EPHB1: variants seen among roughly 807,000 people sequenced by gnomAD.
EPHB1 encodes EPH receptor B1.
A neutral mutation model predicts 94.4 loss-of-function variants in EPHB1; 30 were observed. The ratio of observed to expected loss-of-function variants is 0.32; its 90% confidence interval spans 0.24 to 0.43. EPHB1 has a LOEUF of 0.43. Ranked by LOEUF, EPHB1 falls within the 20% of genes least tolerant of loss-of-function variation. The pLI is 1.00. For synonymous variants in EPHB1, 522 were observed against 489.1 expected, an observed-to-expected ratio of 1.07 and a Z score of -0.89; for missense variants, 1,055 against 1,308.3, an observed-to-expected ratio of 0.81 and a Z score of 2.99.
At chr3:134,916,134 T>C (rs896358580) in intron 1 of EPHB1, among the ~76,000 whole-genome samples, 7 of 151,782 alleles carry the variant, frequency 4.6e-5, no homozygotes, top group African/African-American at 7.3e-5. Context: ...GAGTGCTGAT[T>C]GGTGTATTTA....
At chr3:135,016,076 C>T (rs756456480) in intron 3 of EPHB1, among the ~76,000 whole-genome samples, 17 of 152,146 alleles carry the variant, frequency 1.1e-4, no homozygotes, top group Admixed American at 2.6e-4. Flanking sequence ...AGAAAGCTAG[C>T]CCTCCTGGTT....
chr3:135,006,095 G>A (rs940880525), intron 3 of EPHB1, among the ~76,000 whole-genome samples: 3 of 152,184 alleles, frequency 2.0e-5, no homozygotes, highest in Admixed American at 6.5e-5. Flanking sequence ...ATGATTGTAA[G>A]TTTCCTGAGG....
At chr3:134,889,829 C>G (rs2037938666) in intron 1 of EPHB1, among the ~76,000 whole-genome samples, 1 of 151,848 alleles carries the variant, frequency 6.6e-6, no homozygotes, top group African/African-American at 2.4e-5. Context: ...CGGTGCCCGC[C>G]ACCACACCCG....
intron 3 of EPHB1, among the ~76,000 whole-genome samples, chr3:134,993,552 A>G (rs541432203): frequency 1.3e-5 from 2 of 152,270 alleles, no homozygotes; most frequent in East Asian, 3.9e-4. Flanking sequence ...GGGGACCTGC[A>G]CTGGCCCCAG....
chr3:135,142,708 T>C (rs1467362959), intron 5 of EPHB1, among the ~76,000 whole-genome samples: 2 of 152,028 alleles, frequency 1.3e-5, no homozygotes, highest in African/African-American at 2.4e-5. Context: ...GCCATGGAAA[T>C]TGGCAGGCAT....
chr3:134,795,485 G>A lies in EPHB1; in HGVS notation c.-147G>A. ...CGCACACACTCCTGCCCACGCCCAC[G>A]CAGCGCTCCGGGAAGTCCGGTCCGG... On this transcript the variant is annotated 5_prime_UTR_variant, in exon 1 of 16. Transcript: ENST00000398015. 1 of 735,490 alleles carries A rather than the reference G, an allele frequency of 1.4e-6. No homozygotes were observed. The highest frequency in any genetic ancestry group is 2.9e-5 in the East Asian group (1 of 33,940). The allele number at this position is 735,490 out of a possible 1,614,324, so 45.6% of individuals were successfully genotyped here.
chr3:134,916,549 A>G (rs2038574209), intron 1 of EPHB1, among the ~76,000 whole-genome samples: 1 of 152,238 alleles, frequency 6.6e-6, no homozygotes, highest in South Asian at 2.1e-4. Context: ...GTGCAGCTCC[A>G]GTGGGCTGGC....
intron 3 of EPHB1, among the ~76,000 whole-genome samples, chr3:135,046,325 T>C (rs1215966809): frequency 6.6e-6 from 1 of 152,216 alleles, no homozygotes; most frequent in Non-Finnish European, 1.5e-5. Context: ...CATGTGAGCT[T>C]CTATTACTAG....
At chr3:134,969,288 G>A (rs1933883529) in intron 3 of EPHB1, among the ~76,000 whole-genome samples, 1 of 152,178 alleles carries the variant, frequency 6.6e-6, no homozygotes, top group Non-Finnish European at 1.5e-5. Flanking sequence ...TCATGTGCTT[G>A]TTTGCCATCT....
chr3:134,963,135 C>A (rs1226067848), intron 3 of EPHB1, among the ~76,000 whole-genome samples: 1 of 136,966 alleles, frequency 7.3e-6, no homozygotes, highest in Non-Finnish European at 1.6e-5. Context: ...CCTTCTCTTG[C>A]TCCTTCCTTC....
chr3:135,126,073 C>T (rs568844275), intron 4 of EPHB1, among the ~76,000 whole-genome samples: 12 of 152,296 alleles, frequency 7.9e-5, no homozygotes, highest in African/African-American at 2.9e-4. Context: ...TTCCCAGTCA[C>T]TCACACCACA....
chr3:134,956,485 G>T (rs2107718935), intron 3 of EPHB1, among the ~76,000 whole-genome samples: 1 of 152,188 alleles, frequency 6.6e-6, no homozygotes. Flanking sequence ...ACCTTAGCTT[G>T]CTATTACAGA....
chr3:135,057,022 T>C (rs557524387), intron 3 of EPHB1, among the ~76,000 whole-genome samples: 1 of 152,166 alleles, frequency 6.6e-6, no homozygotes, highest in Non-Finnish European at 1.5e-5. Flanking sequence ...CTGGGCCTGC[T>C]CAGTGAACAC....
chr3:135,255,236 A>G (rs1933324989), intron 15 of EPHB1, among the ~76,000 whole-genome samples: 1 of 151,332 alleles, frequency 6.6e-6, no homozygotes, highest in African/African-American at 2.4e-5. Context: ...GATTTTAGTT[A>G]TTTCTTGCCT....
intron 3 of EPHB1, among the ~76,000 whole-genome samples, chr3:134,986,815 A>G (rs1278539633): frequency 2.0e-5 from 3 of 152,112 alleles, no homozygotes; most frequent in African/African-American, 4.8e-5. Flanking sequence ...TCAGCTTAAC[A>G]CCAACAAAAA....
At chr3:134,933,877 G>A (rs1406249897) in intron 2 of EPHB1, among the ~76,000 whole-genome samples, 4 of 151,956 alleles carry the variant, frequency 2.6e-5, no homozygotes, top group South Asian at 2.1e-4. Flanking sequence ...TTTTTCTCAC[G>A]GTAAGAGACA....
At chr3:134,818,977 C>T (rs1346711867) in intron 1 of EPHB1, among the ~76,000 whole-genome samples, 2 of 152,150 alleles carry the variant, frequency 1.3e-5, no homozygotes, top group Non-Finnish European at 2.9e-5. Flanking sequence ...GGCAGCCTGG[C>T]TGGAAACAGG....
intron 1 of EPHB1, among the ~76,000 whole-genome samples, chr3:134,899,748 C>T (rs1578181011): frequency 6.6e-6 from 1 of 152,178 alleles, no homozygotes; most frequent in Non-Finnish European, 1.5e-5. Flanking sequence ...GATCATAGCT[C>T]ACTGCAGCCT....
intron 1 of EPHB1, among the ~76,000 whole-genome samples, chr3:134,887,166 G>A (rs2037878497): frequency 6.6e-6 from 1 of 152,112 alleles, no homozygotes; most frequent in East Asian, 1.9e-4. Flanking sequence ...TGTAGGGTTG[G>A]GAGCTCCAAA....
Sources: allele counts gnomAD v4.1 joint callset (sites outside exome capture counted in the v4.1 genomes callset), GRCh38; gene constraint gnomAD v4.1.1; transcripts MANE v1.5; gene names NCBI Gene and HGNC (gene_info 2026-07-23, HGNC 2026-07-21).